The following PPM1E variants were observed in gnomAD, a reference collection of about 807,000 sequenced individuals.
PPM1E encodes the protein protein phosphatase 1E.
In PPM1E, 20 loss-of-function variants were observed where a neutral mutation model predicts 65.9. The observed-to-expected ratio is 0.30, with a 90% confidence interval of 0.21 to 0.44. The LOEUF (loss-of-function observed/expected upper bound fraction) is 0.44, where lower values mean the gene tolerates loss of function less well. PPM1E is among the 20% of genes least tolerant of loss of function. The probability of loss-of-function intolerance (pLI) is 1.00; values close to 1 mark genes in which losing one functional copy is unlikely to be tolerated. For missense variants in PPM1E, 713 were observed against 953.1 expected, an observed-to-expected ratio of 0.75 and a Z score of 3.32; for synonymous variants, 352 against 374.9, an observed-to-expected ratio of 0.94 and a Z score of 0.70.
intron 1 of PPM1E, among the ~76,000 whole-genome samples, chr17:58,940,941 C>T (rs2052057789): frequency 6.6e-6 from 1 of 152,206 alleles, no homozygotes. Flanking sequence ...AAACTCCTGA[C>T]CTCAGGTGAT....
chr17:58,937,956 C>A (rs1186192329), intron 1 of PPM1E, among the ~76,000 whole-genome samples: 1 of 150,398 alleles, frequency 6.6e-6, no homozygotes, highest in Non-Finnish European at 1.5e-5. Flanking sequence ...TCTTTCCTAA[C>A]TAATGGATTC....
At chr17:58,817,856 A>G (rs1292241240) in intron 1 of PPM1E, among the ~76,000 whole-genome samples, 1 of 151,398 alleles carries the variant, frequency 6.6e-6, no homozygotes, top group East Asian at 1.9e-4. Flanking sequence ...AGTTCACGCC[A>G]TTCTCCTGCC....
chr17:58,830,178 A>AAAAAAAC (rs1365838177), intron 1 of PPM1E, among the ~76,000 whole-genome samples: 1 of 152,150 alleles, frequency 6.6e-6, no homozygotes, highest in Non-Finnish European at 1.5e-5. Context: ...CTGTCTCTCT[A>AAAAAAAC]AAAAAACAAA....
intron 1 of PPM1E, among the ~76,000 whole-genome samples, chr17:58,794,748 C>CT (rs1013259743): frequency 6.6e-6 from 1 of 152,118 alleles, no homozygotes; most frequent in Non-Finnish European, 1.5e-5. Flanking sequence ...TGATCTCATT[C>CT]TTTTTTATGG....
rs148871921 is a variant in PPM1E at position 58,853,022 on chromosome 17, T to C, written c.464+96561T>C. ...TTAACTCCTTGTCAGATATATGATT[T>C]GCAAATATGTTCTCTCATTCTGTGG... On this transcript the variant is annotated intron_variant, in intron 1 of 6. Transcript: ENST00000308249. 7.2e-5 allele frequency among the ~76,000 whole-genome samples: 11 copies of C among 152,348 alleles called. No individual in the cohort carries two copies. The East Asian group carries it at 1.3e-3, about 19-fold the overall frequency.
At chr17:58,882,397 A>ATT (rs576988169) in intron 1 of PPM1E, among the ~76,000 whole-genome samples, 2 of 148,170 alleles carry the variant, frequency 1.3e-5, no homozygotes, top group African/African-American at 4.9e-5. Flanking sequence ...AGCAACTTGC[A>ATT]TTTTTTTTTT....
At chr17:58,863,893 T>C (rs771213145) in intron 1 of PPM1E, among the ~76,000 whole-genome samples, 2 of 152,076 alleles carry the variant, frequency 1.3e-5, no homozygotes, top group Non-Finnish European at 2.9e-5. Context: ...CTTCTGTGTG[T>C]CCACTGAGTT....
intron 1 of PPM1E, among the ~76,000 whole-genome samples, chr17:58,852,951 C>T (rs954105417): frequency 6.6e-6 from 1 of 151,994 alleles, no homozygotes; most frequent in African/African-American, 2.4e-5. Context: ...GTCATTTGCC[C>T]ACTTTTTAAT....
rs1299209932 is a variant in PPM1E at position 58,983,702 on chromosome 17, T to C, written c.*2671T>C. 6.6e-6 allele frequency: 1 copy of C among 152,664 alleles called. No homozygotes were observed. Among genetic ancestry groups the C allele is most frequent in the Non-Finnish European group, 1.5e-5 (1 of 68,052 alleles). The allele number at this position is 152,664 out of a possible 1,614,324, so 9.5% of individuals were successfully genotyped here. On this transcript the variant is annotated 3_prime_UTR_variant, in exon 7 of 7. Transcript: ENST00000308249. ...ATTATGTGTTTTGTATTTTTATTCATTGTGTAATTTAGTGGTGGTGAAAGT... is the reference window on the plus strand; with the variant it reads ...ATTATGTGTTTTGTATTTTTATTCACTGTGTAATTTAGTGGTGGTGAAAGT...
chr17:58,776,510 G>A lies in PPM1E; in HGVS notation c.464+20049G>A, dbSNP rs190294684. Among the ~76,000 whole-genome samples the A allele has an allele frequency of 3.4e-3, 523 of 152,182 alleles. 6 individuals carry two copies. The highest frequency in any genetic ancestry group is 0.012 in the African/African-American group (513 of 41,516). On this transcript the variant is annotated intron_variant, in intron 1 of 6. Transcript: ENST00000308249. The stretch of plus-strand genomic sequence containing the variant: ...CATTTCTTTCTGCTAAAAAGCACTA[G>A]TTTTTCTCTACAAAAATGCATTTTT...
chr17:58,927,004 A>G (rs2051830595), intron 1 of PPM1E, among the ~76,000 whole-genome samples: 2 of 152,108 alleles, frequency 1.3e-5, no homozygotes, highest in Non-Finnish European at 2.9e-5. Flanking sequence ...ATTTTAACTC[A>G]CAATTTATTT....
At chr17:58,825,750 A>G (rs1360683322) in intron 1 of PPM1E, among the ~76,000 whole-genome samples, 2 of 151,676 alleles carry the variant, frequency 1.3e-5, no homozygotes, top group Admixed American at 6.6e-5. Context: ...TTGTATTTTA[A>G]GTAGAGACTT....
rs1270795333 is a variant in PPM1E at position 58,798,393 on chromosome 17, TTTTTTA to T, written c.464+41939_464+41944del. Reference sequence around the variant, plus strand: ...ACAGGCAGGCGCCACCACGCCTAATTTTTTTATTTTTAATAGAGACAGGGTTTCACC... The same window carrying T: ...ACAGGCAGGCGCCACCACGCCTAATTTTTTTAATAGAGACAGGGTTTCACC... On this transcript the variant is annotated intron_variant, in intron 1 of 6. Transcript: ENST00000308249. Among the ~76,000 whole-genome samples, 603 of 151,790 alleles carry T rather than the reference TTTTTTA, an allele frequency of 4.0e-3. 2 individuals are homozygous for T. The highest frequency in any genetic ancestry group is 6.0e-3 in the Non-Finnish European group (407 of 67,926).
chr17:58,784,645 C>G (rs2050081869), intron 1 of PPM1E, among the ~76,000 whole-genome samples: 1 of 151,980 alleles, frequency 6.6e-6, no homozygotes, highest in African/African-American at 2.4e-5. Context: ...CTGCCTCAGC[C>G]TCCTGAGTAG....
chr17:58,763,390 A>C (rs2049842348), intron 1 of PPM1E, among the ~76,000 whole-genome samples: 1 of 152,052 alleles, frequency 6.6e-6, no homozygotes, highest in African/African-American at 2.4e-5. Flanking sequence ...TTCATTTTCC[A>C]TTGGCTAGAA....
At chr17:58,841,594 T>A (rs913166594) in intron 1 of PPM1E, among the ~76,000 whole-genome samples, 4 of 151,694 alleles carry the variant, frequency 2.6e-5, no homozygotes, top group African/African-American at 9.7e-5. Context: ...GGTGCAATCT[T>A]GACTCACTGC....
At chr17:58,818,441 A>G (rs1050632173) in intron 1 of PPM1E, among the ~76,000 whole-genome samples, 5 of 152,162 alleles carry the variant, frequency 3.3e-5, no homozygotes, top group Non-Finnish European at 7.4e-5. Flanking sequence ...CTTTATCCCT[A>G]TCTTTTGGAG....
intron 1 of PPM1E, among the ~76,000 whole-genome samples, chr17:58,921,835 G>A (rs1344941306): frequency 1.3e-5 from 2 of 152,002 alleles, no homozygotes; most frequent in Admixed American, 6.6e-5. Flanking sequence ...GAGGTCAGGA[G>A]TTGAAGACCA....
At chr17:58,792,743 CTTTTTTTTTTTTTTT>C (rs780992600) in intron 1 of PPM1E, among the ~76,000 whole-genome samples, 1 of 76,380 alleles carries the variant, frequency 1.3e-5, no homozygotes, top group African/African-American at 6.4e-5. Flanking sequence ...GAATTTTACT[CTTTTTTTTTTTTTTT>C]TTTTTTTTTT....
Sources: gnomAD v4.1 joint callset for allele counts (sites outside exome capture counted in the v4.1 genomes callset) on GRCh38, gnomAD v4.1.1 for gene constraint, MANE v1.5 for transcripts, NCBI Gene and HGNC (gene_info 2026-07-23, HGNC 2026-07-21) for gene names.